Variants in DNAH9 observed in about 807,000 individuals in gnomAD.
The protein encoded by DNAH9 is dynein axonemal heavy chain 9.
DNAH9 carries 345 observed loss-of-function variants against 471.6 expected under a neutral mutation model. The ratio of observed to expected loss-of-function variants is 0.73; its 90% CI spans 0.67 to 0.80. DNAH9 has a LOEUF of 0.80. Among genes scored for constraint, DNAH9 ranks in the 30% least tolerant of loss-of-function variants. The pLI, the probability that DNAH9 is intolerant of heterozygous loss-of-function variation, is 0.00. For missense variants in DNAH9, 5,407 were observed against 5,609.2 expected, an observed-to-expected ratio of 0.96 and a Z score of 1.15; for synonymous variants, 2,093 against 2,123.6, an observed-to-expected ratio of 0.99 and a Z score of 0.40.
At chr17:11,919,466 G>A (rs1974062450) in intron 61 of DNAH9, among the ~76,000 whole-genome samples, 1 of 134,450 alleles carries the variant, frequency 7.4e-6, no homozygotes, top group Admixed American at 8.8e-5. Flanking sequence ...CTGCACTCCA[G>A]CCTGGGCGAC....
intron 45 of DNAH9, among the ~76,000 whole-genome samples, chr17:11,814,886 G>A (rs562875363): frequency 1.3e-4 from 20 of 152,224 alleles, no homozygotes; most frequent in South Asian, 1.0e-3. Flanking sequence ...TCTGGTGGCC[G>A]TCTGGAACTG....
intron 41 of DNAH9, among the ~76,000 whole-genome samples, chr17:11,791,685 T>A (rs928773839): frequency 6.6e-6 from 1 of 152,130 alleles, no homozygotes; most frequent in Non-Finnish European, 1.5e-5. Flanking sequence ...CACTCCAGTC[T>A]GGGTGACAAA....
chr17:11,865,957 T>G (rs978169088), intron 50 of DNAH9, among the ~76,000 whole-genome samples: 3 of 152,318 alleles, frequency 2.0e-5, no homozygotes, highest in South Asian at 2.1e-4. Context: ...TCTTTGCCTT[T>G]GGTTTGAATT....
chr17:11,822,090 G>C, intron 46 of DNAH9, 28 bp downstream of exon 46: 1 of 1,598,166 alleles, frequency 6.3e-7, no homozygotes, highest in Non-Finnish European at 8.5e-7. Flanking sequence ...ACAGGGGCAG[G>C]CAGAGACCCG....
At chr17:11,784,065 C>A (rs1210233256) in intron 40 of DNAH9, among the ~76,000 whole-genome samples, 1 of 152,038 alleles carries the variant, frequency 6.6e-6, no homozygotes, top group East Asian at 1.9e-4. Context: ...TTCTCTGAGT[C>A]CAAGTTTAGT....
intron 27 of DNAH9, among the ~76,000 whole-genome samples, chr17:11,725,417 C>T (rs757828796): frequency 2.4e-4 from 36 of 152,186 alleles, no homozygotes; most frequent in Non-Finnish European, 4.3e-4. Flanking sequence ...ATAGAGGCAT[C>T]GTCTATCTTG....
In DNAH9 at chr17:11,623,012, T is replaced by C. The variant is rs188672424; in HGVS notation, c.1350+3231T>C. ...TCTCGAGATGGAGTTTTGCTCTTGT[T>C]GCCCAGGCTGGAGTGCAGTGGCACA... On this transcript the variant is annotated intron_variant, in intron 6 of 68. Coordinates refer to ENST00000262442, the MANE Select transcript of DNAH9 (RefSeq NM_001372.4). The surrounding 1 kb of genome is among the most constrained non-coding windows in gnomAD (Gnocchi z 4.1). Among the ~76,000 whole-genome samples the C allele has an allele frequency of 7.5e-3, 1,107 of 147,334 alleles. 13 individuals are homozygous for C. Among genetic ancestry groups the C allele is most frequent in the African/African-American group, 0.024 (940 of 39,982 alleles).
chr17:11,815,455 CA>C (rs1970064860), intron 45 of DNAH9, among the ~76,000 whole-genome samples: 2 of 152,138 alleles, frequency 1.3e-5, no homozygotes, highest in South Asian at 4.1e-4. Flanking sequence ...ATCCCCACTC[CA>C]ATCCATTCTC....
Position 11,769,105 on chromosome 17 carries a change from T to C in DNAH9, c.7345-17T>C, listed in dbSNP as rs1438598875. ...CTAGAGCCCACCCTTGGCAGGCTTA[T>C]TGTGCTCCCATTCCAGGCGTGTTTG... On this transcript the variant is annotated splice_polypyrimidine_tract_variant and intron_variant, in intron 37 of 68. Coordinates refer to ENST00000262442, the MANE Select transcript of DNAH9 (RefSeq NM_001372.4). 6.2e-7 allele frequency: 1 copy of C among 1,614,010 alleles called. No individual in the cohort carries two copies. Among genetic ancestry groups the C allele is most frequent in the South Asian group, 1.1e-5 (1 of 91,060 alleles).
intron 68 of DNAH9, among the ~76,000 whole-genome samples, chr17:11,965,981 A>G (rs552640358): frequency 2.0e-5 from 3 of 152,336 alleles, no homozygotes; most frequent in Middle Eastern, 3.4e-3. Context: ...ATCAAGCATA[A>G]CAACATATGC....
intron 28 of DNAH9, 62 bp from the exon 29 acceptor site, chr17:11,738,818 A>G: frequency 2.1e-6 from 3 of 1,458,846 alleles, no homozygotes; most frequent in Non-Finnish European, 2.9e-6. Flanking sequence ...TTCCAGCTTT[A>G]GTTATGATCC....
intron 66 of DNAH9, among the ~76,000 whole-genome samples, chr17:11,938,328 G>C (rs1298789922): frequency 6.6e-6 from 1 of 151,878 alleles, no homozygotes; most frequent in Non-Finnish European, 1.5e-5. Context: ...GTGTGGTGGT[G>C]GGCGCCTGTA....
At chr17:11,925,311 T>G (rs1974285625) in intron 62 of DNAH9, 1 of 416,388 alleles carries the variant, frequency 2.4e-6, no homozygotes, top group Admixed American at 2.7e-5. Context: ...TCTTCCCGGC[T>G]TTCACTACCA....
chr17:11,612,215 G>A (rs565584394), intron 4 of DNAH9: 116 of 353,980 alleles, frequency 3.3e-4, no homozygotes, highest in Admixed American at 2.8e-3. Flanking sequence ...CAACTCCAGG[G>A]TGGTCATGTG....
At chr17:11,735,861 G>A (rs80163480) in intron 28 of DNAH9, among the ~76,000 whole-genome samples, 12,643 of 152,246 alleles carry the variant, frequency 0.083, 682 homozygotes, top group Non-Finnish European at 0.11. Flanking sequence ...ACTGGTCTGT[G>A]GCTGGCACAG....
intron 38 of DNAH9, among the ~76,000 whole-genome samples, chr17:11,770,467 C>G (rs1235193625): frequency 6.6e-6 from 1 of 152,156 alleles, no homozygotes; most frequent in Non-Finnish European, 1.5e-5. Context: ...CACCTCTGCT[C>G]TCTGCCCCTC....
At position 11,699,723 on chromosome 17, in the gene DNAH9, C is replaced by T. The variant is rs1230918810; in HGVS notation, c.4873-8C>T. ...TTTATGATCCATTGGCCTGGTTTCC[C>T]TTCATAGGTTCAACGTCACCTTTCC... On this transcript the variant is annotated splice_polypyrimidine_tract_variant and splice_region_variant and intron_variant, in intron 22 of 68. Coordinates refer to ENST00000262442, the MANE Select transcript of DNAH9 (RefSeq NM_001372.4). 2 of 1,613,944 alleles carry T rather than the reference C, an allele frequency of 1.2e-6. No individual in the cohort carries two copies. The highest frequency in any genetic ancestry group is 1.1e-5 in the South Asian group (1 of 91,072).
chr17:11,883,693 A>T lies in DNAH9; in HGVS notation c.10914A>T (p.Thr3638=). 6.2e-7 allele frequency: 1 copy of T among 1,614,178 alleles called. No homozygotes were observed. Among genetic ancestry groups the T allele is most frequent in the Non-Finnish European group, 8.5e-7 (1 of 1,180,020 alleles). ...CCTCTGGGAACTTCCTGGGAGAAACAGTGCTGGTGGAAAACCTAGAGATCA... is the reference window on the plus strand; with the variant it reads ...CCTCTGGGAACTTCCTGGGAGAAACTGTGCTGGTGGAAAACCTAGAGATCA... The part of the protein sequence containing the change: ...SSASGNFLGE[T]VLVENLEITK... Residue 3638 remains threonine, a synonymous_variant, in exon 56 of 69, where the codon ACA becomes ACT. Coordinates refer to ENST00000262442, the MANE Select transcript of DNAH9 (RefSeq NM_001372.4).
intron 36 of DNAH9, among the ~76,000 whole-genome samples, chr17:11,765,185 G>A (rs1341877895): frequency 6.6e-6 from 1 of 152,132 alleles, no homozygotes; most frequent in Non-Finnish European, 1.5e-5. Flanking sequence ...ATACATGCAA[G>A]GTACTTAGCA....
Sources: gnomAD v4.1 joint callset for allele counts (sites outside exome capture counted in the v4.1 genomes callset) on GRCh38, gnomAD v4.1.1 for gene constraint, Gnocchi (gnomAD v3.1) non-coding constraint, MANE v1.5 for transcripts, NCBI Gene and HGNC (gene_info 2026-07-23, HGNC 2026-07-21) for gene names.